Variants in GTF3C1 observed in about 807,000 individuals in gnomAD.
GTF3C1 encodes general transcription factor IIIC subunit 1, also known as general transcription factor 3C polypeptide 1.
GTF3C1 carries 57 observed loss-of-function variants against 226.7 expected under a neutral mutation model. The observed-to-expected ratio is 0.25, with a 90% CI of 0.20 to 0.31. The LOEUF is 0.31. GTF3C1 is among the 10% of genes least tolerant of loss of function. The pLI is 1.00. For missense variants in GTF3C1, 2,217 were observed against 2,776.1 expected, an observed-to-expected ratio of 0.80 and a Z score of 4.53; for synonymous variants, 1,090 against 1,084.8, an observed-to-expected ratio of 1.00 and a Z score of -0.09.
chr16:27,465,514 C>G lies in GTF3C1; in HGVS notation c.5101G>C (p.Gly1701Arg). 6.2e-7 allele frequency: 1 copy of G among 1,601,022 alleles called. No individual in the cohort carries two copies. The highest frequency in any genetic ancestry group is 1.7e-5 in the Admixed American group (1 of 59,958). Reference protein sequence around the residue: ...AAAPLEELTMGTSCLPDTFTK... With the variant: ...AAAPLEELTMRTSCLPDTFTK... ...AACGTATCAGGGAGGCAGGAGGTTC[C>G]CATTGTTAGCTCTTCCAGAGGAGCG... Residue 1701 changes from glycine to arginine, a missense_variant, in exon 33 of 37, where the codon GGA becomes CGA. This residue lies in a region of GTF3C1 where 455 missense variants were observed against 441.9 expected (regional missense o/e 1.03). Transcript: ENST00000356183.
intron 33 of GTF3C1, 80 bp from the exon 34 acceptor site, chr16:27,464,916 C>T: frequency 5.8e-6 from 7 of 1,211,948 alleles, no homozygotes; most frequent in Non-Finnish European, 7.8e-6. Flanking sequence ...GTGGAGTGGC[C>T]TCCCCTGACT....
Position 27,463,710 on chromosome 16 carries a change from GTGTC to G in GTF3C1, c.5873-122_5873-119del. 2.7e-6 allele frequency: 2 copies of G among 740,212 alleles called. No homozygotes were observed. The highest frequency in any genetic ancestry group is 2.1e-5 in the Admixed American group (1 of 47,888). The allele number at this position is 740,212 out of a possible 1,614,324, so 45.9% of individuals were successfully genotyped here. ...GGCACCTCGAGGCTCAGGGGATGAA[GTGTC>G]AAAAAAAAAGGACAATGAGCATCTC... On this transcript the variant is annotated intron_variant, in intron 34 of 36. Coordinates refer to ENST00000356183, the MANE Select transcript of GTF3C1 (RefSeq NM_001520.4). The surrounding 1 kb of genome is among the most constrained non-coding windows in gnomAD (Gnocchi z 4.9).
intron 2 of GTF3C1, 27 bp downstream of exon 2, chr16:27,545,287 G>A (rs760454591): frequency 6.5e-7 from 1 of 1,547,236 alleles, no homozygotes; most frequent in South Asian, 1.1e-5. Flanking sequence ...AGATTCCCAG[G>A]AATTTCTGAT....
At chr16:27,549,148 A>G (rs1173043543) in intron 1 of GTF3C1, among the ~76,000 whole-genome samples, 1 of 151,590 alleles carries the variant, frequency 6.6e-6, no homozygotes, top group Non-Finnish European at 1.5e-5. Flanking sequence ...ACAGAGAGAG[A>G]CTCTATCTCA....
At chr16:27,517,594 T>C (rs944685686) in intron 6 of GTF3C1, among the ~76,000 whole-genome samples, 1 of 152,202 alleles carries the variant, frequency 6.6e-6, no homozygotes, top group Non-Finnish European at 1.5e-5. Context: ...TTTAAAGACA[T>C]GGCATGCTAA....
intron 6 of GTF3C1, among the ~76,000 whole-genome samples, chr16:27,524,496 G>A (rs900938004): frequency 6.6e-6 from 1 of 152,160 alleles, no homozygotes; most frequent in African/African-American, 2.4e-5. Context: ...AGGAAACTGA[G>A]GTATACAGAG....
chr16:27,490,097 G>A (rs975886988), intron 19 of GTF3C1, among the ~76,000 whole-genome samples: 1 of 152,194 alleles, frequency 6.6e-6, no homozygotes, highest in African/African-American at 2.4e-5. Flanking sequence ...AAAGCCCCGG[G>A]AGATGCTGGG....
At chr16:27,503,591 G>C (rs1472957665) in intron 10 of GTF3C1, among the ~76,000 whole-genome samples, 2 of 152,140 alleles carry the variant, frequency 1.3e-5, no homozygotes, top group African/African-American at 4.8e-5. Context: ...GTTTCCTCGA[G>C]GAAAATTAGG....
At chr16:27,493,728 TAATA>T (rs1289518585) in intron 16 of GTF3C1, among the ~76,000 whole-genome samples, 2 of 152,156 alleles carry the variant, frequency 1.3e-5, no homozygotes, top group African/African-American at 2.4e-5. Context: ...CAACATGTCA[TAATA>T]AATACCTACT....
At position 27,463,702 on chromosome 16, in the gene GTF3C1, G is replaced by A. The variant is rs1207231028; in HGVS notation, c.5873-110C>T. On this transcript the variant is annotated intron_variant, in intron 34 of 36. Coordinates refer to ENST00000356183, the MANE Select transcript of GTF3C1 (RefSeq NM_001520.4). The surrounding 1 kb of genome is among the most constrained non-coding windows in gnomAD (Gnocchi z 4.9). ...ATGAGCAGGGCACCTCGAGGCTCAG[G>A]GGATGAAGTGTCAAAAAAAAAGGAC... 3 of 752,938 alleles carry A rather than the reference G, an allele frequency of 4.0e-6. No individual in the cohort carries two copies. In the African/African-American group the frequency reaches 5.3e-5, roughly 13 times the overall value. 46.6% of individuals were successfully genotyped at this position (752,938 alleles called of 1,614,324 possible). A position where few individuals can be genotyped will look rare whatever the true frequency, so the allele number is the denominator to read the frequency against.
chr16:27,489,860 G>A (rs1322820835), intron 19 of GTF3C1, 117 bp from the exon 20 acceptor site: 8 of 942,874 alleles, frequency 8.5e-6, no homozygotes, highest in African/African-American at 4.8e-5. Context: ...AAGGCTCCCC[G>A]GCCACTGCGG....
intron 32 of GTF3C1, among the ~76,000 whole-genome samples, chr16:27,467,634 C>A (rs1439840460): frequency 6.6e-6 from 1 of 152,200 alleles, no homozygotes; most frequent in Admixed American, 6.5e-5. Flanking sequence ...CTTTGGGAGG[C>A]TACGGTGGGT....
Position 27,489,245 on chromosome 16 carries a change from A to G in GTF3C1, c.3294-67T>C, listed in dbSNP as rs558319278. 6.3e-5 allele frequency: 98 copies of G among 1,561,042 alleles called. No homozygotes were observed. The African/African-American group carries it at 1.2e-3, about 18-fold the overall frequency. On this transcript the variant is annotated intron_variant, in intron 20 of 36. Coordinates refer to ENST00000356183, the MANE Select transcript of GTF3C1 (RefSeq NM_001520.4). ...ATCACCGAAAAAGAGAGCCCATGGC[A>G]TGGGTTGAGGGACATTTATTTATAA...
intron 8 of GTF3C1, among the ~76,000 whole-genome samples, chr16:27,508,041 C>T (rs2088514131): frequency 6.6e-6 from 1 of 152,256 alleles, no homozygotes; most frequent in East Asian, 1.9e-4. Flanking sequence ...TGGAGTTTCA[C>T]TCTTGTTGCC....
Position 27,469,313 on chromosome 16 carries a change from C to T in GTF3C1, c.5052G>A (p.Val1684=). The change falls in exon 32 of 37, where the codon GTG becomes GTA. Residue 1684 remains valine, a synonymous_variant. Transcript: ENST00000356183. This position sits in a 1 kb window ranked among gnomAD's most constrained non-coding sequence, Gnocchi z 4.5. The part of the protein sequence containing the change: ...QMKFQLRCTP[V]PARLRPAAAP... ...CACCAGCGGGCCTGAGCCGGGCGGGCACAGGGGTGCAGCGGAGCTGGAACT... is the reference window on the plus strand; with the variant it reads ...CACCAGCGGGCCTGAGCCGGGCGGGTACAGGGGTGCAGCGGAGCTGGAACT... 6.4e-7 allele frequency: 1 copy of T among 1,573,942 alleles called. No homozygotes were observed. Among genetic ancestry groups the T allele is most frequent in the South Asian group, 1.2e-5 (1 of 86,270 alleles).
At chr16:27,464,176 C>A in intron 34 of GTF3C1, 144 bp downstream of exon 34, 1 of 495,368 alleles carries the variant, frequency 2.0e-6, no homozygotes. Flanking sequence ...CCTCAGGGCT[C>A]AGGCTCTGAG....
Position 27,470,577 on chromosome 16 carries a change from G to A in GTF3C1, c.4527-182C>T. 1 of 599,368 alleles carries A rather than the reference G, an allele frequency of 1.7e-6. No individual in the cohort carries two copies. Among genetic ancestry groups the A allele is most frequent in the Non-Finnish European group, 3.0e-6 (1 of 338,408 alleles). The allele number at this position is 599,368 out of a possible 1,614,324, so 37.1% of individuals were successfully genotyped here. A position where few individuals can be genotyped will look rare whatever the true frequency, so the allele number is the denominator to read the frequency against. The stretch of plus-strand genomic sequence containing the variant: ...TGCATTCCCACCTAGCGGTGTTTGT[G>A]TCTCTCTTCCCCGCTTGCCTGAGTA... On this transcript the variant is annotated intron_variant, in intron 30 of 36. Transcript: ENST00000356183. The surrounding 1 kb of genome is among the most constrained non-coding windows in gnomAD (Gnocchi z 4.9).
chr16:27,518,023 G>A (rs1400050128), intron 6 of GTF3C1, among the ~76,000 whole-genome samples: 1 of 152,200 alleles, frequency 6.6e-6, no homozygotes, highest in Non-Finnish European at 1.5e-5. Flanking sequence ...CTGGCAAAAT[G>A]GCGCTCTCAA....
Position 27,492,914 on chromosome 16 carries a change from C to T in GTF3C1, c.2877-201G>A, listed in dbSNP as rs755387077. Reference sequence around the variant, plus strand: ...CCAACCAGGGCCACAGAGATCAACCCGACACTAGGGATTTGATTTGGAAAG... The same window carrying T: ...CCAACCAGGGCCACAGAGATCAACCTGACACTAGGGATTTGATTTGGAAAG... On this transcript the variant is annotated intron_variant, in intron 17 of 36. Coordinates refer to ENST00000356183, the MANE Select transcript of GTF3C1 (RefSeq NM_001520.4). This position sits in a 1 kb window ranked among gnomAD's most constrained non-coding sequence, Gnocchi z 5.0. Among the ~76,000 whole-genome samples, 3 of 151,938 alleles carry T rather than the reference C, an allele frequency of 2.0e-5. No homozygotes were observed. The highest frequency in any genetic ancestry group is 4.4e-5 in the Non-Finnish European group (3 of 67,990).
Sources: gnomAD v4.1 joint callset for allele counts (sites outside exome capture counted in the v4.1 genomes callset) on GRCh38, gnomAD v4.1.1 for gene constraint, gnomAD v4.1.1 regional missense constraint, Gnocchi (gnomAD v3.1) non-coding constraint, MANE v1.5 for transcripts, NCBI Gene and HGNC (gene_info 2026-07-23, HGNC 2026-07-21) for gene names.